The following LAMB1 variants were observed in gnomAD, a reference collection of about 807,000 sequenced individuals.
LAMB1 encodes the protein laminin subunit beta 1.
Under a neutral mutation model 222.3 loss-of-function variants are expected in LAMB1, and 121 were observed. The observed-to-expected ratio is 0.54, with a 90% CI of 0.47 to 0.63. LAMB1 has a LOEUF of 0.63. Among genes scored for constraint, LAMB1 ranks in the 30% least tolerant of loss-of-function variants. LAMB1 has a pLI of 0.00. For missense variants in LAMB1, 2,172 were observed against 2,240.8 expected (o/e 0.97, Z 0.62); for synonymous variants, 794 against 807.2 (o/e 0.98, Z 0.28).
In LAMB1 at chr7:107,986,197, A is replaced by T; in HGVS notation, c.590T>A (p.Ile197Asn). 6.2e-7 allele frequency: 1 copy of T among 1,614,152 alleles called. No individual in the cohort carries two copies. Among genetic ancestry groups the T allele is most frequent in the Non-Finnish European group, 8.5e-7 (1 of 1,180,006 alleles). ...AACCTCTCCTTCAGTTGAGGGTTCAATGTCAGAATATCGAGAATCACAAAT... is the reference window on the plus strand; with the variant it reads ...AACCTCTCCTTCAGTTGAGGGTTCATTGTCAGAATATCGAGAATCACAAAT... The part of the protein sequence containing the change: ...DIICDSRYSD[I>N]EPSTEGEVIF... The change falls in exon 6 of 34, where the codon ATT becomes AAT. Residue 197 changes from isoleucine (I) to asparagine (N), a missense_variant. Coordinates refer to ENST00000222399, the MANE Select transcript of LAMB1 (RefSeq NM_002291.3).
intron 5 of LAMB1, among the ~76,000 whole-genome samples, chr7:107,991,405 T>C (rs1384485740): frequency 2.6e-5 from 4 of 151,988 alleles, no homozygotes; most frequent in Non-Finnish European, 4.4e-5. Context: ...CTGACTAACA[T>C]GGTGAAGCCC....
chr7:107,923,861 G>A lies in LAMB1; in HGVS notation c.*90C>T. On this transcript the variant is annotated 3_prime_UTR_variant, in exon 34 of 34. Coordinates refer to ENST00000222399, the MANE Select transcript of LAMB1 (RefSeq NM_002291.3). ...AAAATGTGATTAAAAACATTAAATAGGTGATGTTTTATTTTGAAGAGCATT... is the reference window on the plus strand; with the variant it reads ...AAAATGTGATTAAAAACATTAAATAAGTGATGTTTTATTTTGAAGAGCATT... The A allele has an allele frequency of 1.8e-6, 2 of 1,139,364 alleles. No individual in the cohort carries two copies. The highest frequency in any genetic ancestry group is 5.0e-5 in the East Asian group (2 of 40,026). The allele number at this position is 1,139,364 out of a possible 1,614,324, so 70.6% of individuals were successfully genotyped here. A position where few individuals can be genotyped will look rare whatever the true frequency, so the allele number is the denominator to read the frequency against.
chr7:107,954,419 C>T (rs965575042), intron 21 of LAMB1, among the ~76,000 whole-genome samples: 7 of 151,400 alleles, frequency 4.6e-5, no homozygotes, highest in African/African-American at 1.5e-4. Flanking sequence ...ATCCTCCTGC[C>T]TCAGCCTCCC....
At chr7:107,991,479 TG>T (rs902848915) in intron 5 of LAMB1, among the ~76,000 whole-genome samples, 7 of 149,538 alleles carry the variant, frequency 4.7e-5, no homozygotes, top group Non-Finnish European at 1.0e-4. Context: ...CCCAGCTACT[TG>T]GGGGGCTGAG....
chr7:107,956,740 G>C (rs1012860682), intron 20 of LAMB1, among the ~76,000 whole-genome samples: 25 of 152,200 alleles, frequency 1.6e-4, no homozygotes, highest in Admixed American at 9.2e-4. Flanking sequence ...CTGGAGCTGA[G>C]GGGGTGACAG....
chr7:107,975,982 C>T (rs1311173610), intron 9 of LAMB1, 105 bp from the exon 10 acceptor site: 3 of 941,316 alleles, frequency 3.2e-6, no homozygotes, highest in African/African-American at 3.3e-5. Flanking sequence ...TAAGTTCAGA[C>T]AAAATGGCAG....
intron 27 of LAMB1, among the ~76,000 whole-genome samples, chr7:107,933,932 T>G (rs1676323649): frequency 6.6e-6 from 1 of 152,000 alleles, no homozygotes; most frequent in South Asian, 2.1e-4. Context: ...CAAAAATCCT[T>G]TAGCATGCTT....
At chr7:107,932,412 G>C in intron 27 of LAMB1, 35 bp from the exon 28 acceptor site, 1 of 1,604,492 alleles carries the variant, frequency 6.2e-7, no homozygotes, top group Non-Finnish European at 8.5e-7. Flanking sequence ...CAATACTTCG[G>C]ATAGTGAATC....
rs905561861 is a variant in LAMB1 at position 107,985,932 on chromosome 7, G to A, written c.676+90C>T. On this transcript the variant is annotated intron_variant, in intron 7 of 33. Transcript: ENST00000222399. ...AGATCGCACCATTGCACTCCAGCCT[G>A]GGCAACAAGAGCGGAACTCTGTCTC... The A allele has an allele frequency of 2.3e-5, 23 of 1,009,278 alleles. No individual in the cohort carries two copies. In the African/African-American group the frequency reaches 3.4e-4, roughly 15 times the overall value. 62.5% of individuals were successfully genotyped at this position (1,009,278 alleles called of 1,614,324 possible). A position where few individuals can be genotyped will look rare whatever the true frequency, so the allele number is the denominator to read the frequency against.
At chr7:107,928,307 T>C (rs1272815036) in intron 31 of LAMB1, among the ~76,000 whole-genome samples, 1 of 152,206 alleles carries the variant, frequency 6.6e-6, no homozygotes, top group East Asian at 1.9e-4. Flanking sequence ...TAGAATTGGG[T>C]ATTGAAAGCA....
chr7:107,941,912 G>A (rs1243702303), intron 24 of LAMB1, among the ~76,000 whole-genome samples: 2 of 142,568 alleles, frequency 1.4e-5, no homozygotes, highest in African/African-American at 5.3e-5. Context: ...CCCGACCTCA[G>A]GTGATCTGCC....
intron 4 of LAMB1, among the ~76,000 whole-genome samples, chr7:107,995,668 C>T (rs1002518193): frequency 6.6e-6 from 1 of 152,164 alleles, no homozygotes; most frequent in East Asian, 1.9e-4. Context: ...GTCAGTCTCA[C>T]TTAAACACGT....
intron 5 of LAMB1, among the ~76,000 whole-genome samples, chr7:107,992,758 G>A (rs2034209408): frequency 6.6e-6 from 1 of 152,300 alleles, no homozygotes; most frequent in Non-Finnish European, 1.5e-5. Context: ...AGCCAGGTGT[G>A]GTGGCATGTG....
At chr7:107,991,809 A>G (rs905749029) in intron 5 of LAMB1, among the ~76,000 whole-genome samples, 19 of 149,900 alleles carry the variant, frequency 1.3e-4, no homozygotes, top group African/African-American at 4.7e-4. Flanking sequence ...TCGGGAGGCT[A>G]AGGCAGAAGA....
At chr7:108,001,014 G>A (rs1584547446) in intron 3 of LAMB1, among the ~76,000 whole-genome samples, 1 of 152,154 alleles carries the variant, frequency 6.6e-6, no homozygotes, top group Non-Finnish European at 1.5e-5. Context: ...TGGTCTTCCT[G>A]TATCAGGGTA....
chr7:107,959,593 A>G (rs2033451573), intron 19 of LAMB1, 98 bp downstream of exon 19: 4 of 1,611,598 alleles, frequency 2.5e-6, no homozygotes, highest in Non-Finnish European at 3.4e-6. Context: ...GGTGTGATCA[A>G]CTTCAGGAGG....
chr7:107,929,585 A>T lies in LAMB1; in HGVS notation c.4572T>A (p.Val1524=), dbSNP rs2032656784. 2 of 1,614,114 alleles carry T rather than the reference A, an allele frequency of 1.2e-6. No homozygotes were observed. Among genetic ancestry groups the T allele is most frequent in the Non-Finnish European group, 1.7e-6 (2 of 1,179,974 alleles). Residue 1524 remains valine (V), a synonymous_variant, in exon 30 of 34, where the codon GTT becomes GTA. Transcript: ENST00000222399. ...DSADLDSIEA[V]ANEVLKMEMP... is the part of the protein sequence containing the mutation. ...TCTCCATTTTCAATACTTCATTAGC[A>T]ACTGCTTCAATGCTGTCCAAATCAG...
chr7:107,996,897 C>G (rs2034291299), intron 4 of LAMB1, among the ~76,000 whole-genome samples: 1 of 152,200 alleles, frequency 6.6e-6, no homozygotes, highest in Non-Finnish European at 1.5e-5. Context: ...AGTCTTTGTT[C>G]ATAATAAGCT....
chr7:107,969,937 A>G (rs1378344940), intron 13 of LAMB1, among the ~76,000 whole-genome samples: 3 of 152,210 alleles, frequency 2.0e-5, no homozygotes, highest in Non-Finnish European at 2.9e-5. Context: ...GCTACACCAT[A>G]GTCATTCAAT....
Sources: gnomAD v4.1 joint callset for allele counts (sites outside exome capture counted in the v4.1 genomes callset) on GRCh38, gnomAD v4.1.1 for gene constraint, MANE v1.5 for transcripts, NCBI Gene and HGNC (gene_info 2026-07-23, HGNC 2026-07-21) for gene names.